The following OTOGL variants were observed in gnomAD, a reference collection of about 807,000 sequenced individuals.
OTOGL encodes the protein otogelin like.
OTOGL carries 285 observed loss-of-function variants against 318.5 expected under a neutral mutation model. The ratio of observed to expected loss-of-function variants is 0.89; its 90% confidence interval spans 0.81 to 0.99. The LOEUF is 0.99. Ranked by LOEUF, OTOGL falls within the 50% of genes least tolerant of loss-of-function variation. The pLI, the probability that OTOGL is intolerant of heterozygous loss-of-function variation, is 0.00. For synonymous variants in OTOGL, 987 were observed against 936.5 expected (o/e 1.05, Z -0.99); for missense variants, 2,899 against 2,845.6 (o/e 1.02, Z -0.43).
intron 12 of OTOGL, 116 bp downstream of exon 12, chr12:80,251,915 ATATCCATG>A: frequency 8.4e-7 from 1 of 1,186,096 alleles, no homozygotes; most frequent in Non-Finnish European, 1.1e-6. Flanking sequence ...TGTTATTGAG[ATATCCATG>A]AACTTGCATA....
intron 44 of OTOGL, among the ~76,000 whole-genome samples, chr12:80,350,155 A>T (rs1359956532): frequency 6.6e-6 from 1 of 152,144 alleles, no homozygotes; most frequent in African/African-American, 2.4e-5. Flanking sequence ...ATCATGTAGT[A>T]TTTGTTTTCC....
At chr12:80,331,778 C>T (rs1477554382) in intron 37 of OTOGL, among the ~76,000 whole-genome samples, 2 of 152,178 alleles carry the variant, frequency 1.3e-5, no homozygotes, top group Non-Finnish European at 2.9e-5. Context: ...AAGATGATGA[C>T]TGGCTTATGC....
intron 1 of OTOGL, among the ~76,000 whole-genome samples, chr12:80,108,068 A>T (rs1869562843): frequency 6.6e-6 from 1 of 152,150 alleles, no homozygotes; most frequent in African/African-American, 2.4e-5. Flanking sequence ...CCTATTTAAC[A>T]AACCTGCACA....
chr12:80,290,039 G>A (rs1324647398), intron 26 of OTOGL, among the ~76,000 whole-genome samples: 1 of 152,162 alleles, frequency 6.6e-6, no homozygotes, highest in Non-Finnish European at 1.5e-5. Context: ...AGGCACACAA[G>A]GGAATCTCCT....
intron 39 of OTOGL, 28 bp downstream of exon 39, chr12:80,336,168 C>CTT (rs200450365): frequency 2.3e-4 from 314 of 1,351,898 alleles, no homozygotes; most frequent in South Asian, 8.8e-4. Context: ...AAGCGGTGAT[C>CTT]TTTTTTTTTT....
At chr12:80,304,417 A>T (rs920286885) in intron 28 of OTOGL, among the ~76,000 whole-genome samples, 8 of 152,152 alleles carry the variant, frequency 5.3e-5, no homozygotes, top group African/African-American at 1.9e-4. Flanking sequence ...GTATTTTTTT[A>T]AAATTTAGTT....
chr12:80,326,671 A>G (rs909017082), intron 35 of OTOGL, among the ~76,000 whole-genome samples: 10 of 152,172 alleles, frequency 6.6e-5, no homozygotes, highest in African/African-American at 2.2e-4. Context: ...AGAATGTCAT[A>G]TGCTAGTTAA....
At chr12:80,159,705 C>A (rs1245781496) in intron 1 of OTOGL, among the ~76,000 whole-genome samples, 1 of 152,052 alleles carries the variant, frequency 6.6e-6, no homozygotes, top group African/African-American at 2.4e-5. Context: ...AATGCAATTT[C>A]CATCAAATTG....
intron 7 of OTOGL, among the ~76,000 whole-genome samples, chr12:80,225,422 T>C (rs1358196195): frequency 4.6e-5 from 7 of 152,128 alleles, no homozygotes; most frequent in Admixed American, 1.3e-4. Flanking sequence ...TGGCCTTGTT[T>C]TGAGTAGTAA....
At chr12:80,287,225 C>G (rs970393630) in intron 26 of OTOGL, among the ~76,000 whole-genome samples, 2 of 151,634 alleles carry the variant, frequency 1.3e-5, no homozygotes, top group African/African-American at 4.9e-5. Context: ...GTTTCTTAAT[C>G]CTGAGTTCTA....
intron 33 of OTOGL, among the ~76,000 whole-genome samples, 170 bp downstream of exon 33, chr12:80,318,883 T>G (rs751921350): frequency 1.3e-5 from 2 of 152,216 alleles, no homozygotes; most frequent in South Asian, 2.1e-4. Flanking sequence ...CTCTTTTGTA[T>G]ACAAAATCAT....
chr12:80,275,322 G>A (rs1883719464), intron 24 of OTOGL, among the ~76,000 whole-genome samples: 1 of 151,962 alleles, frequency 6.6e-6, no homozygotes, highest in Non-Finnish European at 1.5e-5. Context: ...TAAGATGTCA[G>A]TGGAGGAAGT....
At chr12:80,278,981 G>A in intron 25 of OTOGL, 47 bp from the exon 26 acceptor site, 1 of 1,571,254 alleles carries the variant, frequency 6.4e-7, no homozygotes, top group Non-Finnish European at 8.6e-7. Flanking sequence ...GAAATCACTA[G>A]TTAGAGTCGT....
At chr12:80,373,706 A>T (rs1367481830) in intron 57 of OTOGL, among the ~76,000 whole-genome samples, 2 of 151,438 alleles carry the variant, frequency 1.3e-5, no homozygotes. Context: ...ATAATTTATT[A>T]CCACCAAAAT....
At chr12:80,295,335 C>A (rs779961579) in intron 26 of OTOGL, among the ~76,000 whole-genome samples, 1 of 151,948 alleles carries the variant, frequency 6.6e-6, no homozygotes, top group African/African-American at 2.4e-5. Context: ...TGCCACCATG[C>A]CTGGCTAATT....
rs561912943 is a variant in OTOGL at position 80,375,593 on chromosome 12, G to A, written c.6782-1530G>A. Among the ~76,000 whole-genome samples the A allele has an allele frequency of 3.5e-4, 54 of 152,264 alleles. No individual in the cohort carries two copies. In the South Asian group the frequency reaches 7.9e-3, roughly 22 times the overall value. ...TTAGAAAATGCCTTGGTGATGAGGCGTCATTTGAGTAGAGACTGAGTGTCC... is the reference window on the plus strand; with the variant it reads ...TTAGAAAATGCCTTGGTGATGAGGCATCATTTGAGTAGAGACTGAGTGTCC... On this transcript the variant is annotated intron_variant, in intron 57 of 58. Coordinates refer to ENST00000547103, the MANE Select transcript of OTOGL (RefSeq NM_001378609.3).
Position 80,380,095 on chromosome 12 carries a change from T to C in OTOGL, c.*2047T>C, listed in dbSNP as rs1891377827. The C allele has an allele frequency of 6.6e-6, 1 of 151,922 alleles. No homozygotes were observed. Among genetic ancestry groups the C allele is most frequent in the Non-Finnish European group, 1.5e-5 (1 of 67,908 alleles). The allele number at this position is 151,922 out of a possible 1,614,324, so 9.4% of individuals were successfully genotyped here. A position where few individuals can be genotyped will look rare whatever the true frequency, so the allele number is the denominator to read the frequency against. On this transcript the variant is annotated 3_prime_UTR_variant, in exon 59 of 59. Transcript: ENST00000547103. ...GAATGGTTACGTAGATAAAGAAAAA[T>C]TTGAATTCATACATCCATTGACATT...
At chr12:80,311,558 G>A (rs530622882) in intron 30 of OTOGL, among the ~76,000 whole-genome samples, 1 of 140,508 alleles carries the variant, frequency 7.1e-6, no homozygotes, top group African/African-American at 3.3e-5. Flanking sequence ...GAGTAGCTGG[G>A]ATTGTAGACG....
At chr12:80,138,640 C>A (rs1240394624) in intron 1 of OTOGL, among the ~76,000 whole-genome samples, 1 of 151,994 alleles carries the variant, frequency 6.6e-6, no homozygotes, top group Non-Finnish European at 1.5e-5. Context: ...ACACTGAAAG[C>A]CAATAGCTAC....
Sources: gnomAD v4.1 joint callset for allele counts (sites outside exome capture counted in the v4.1 genomes callset) on GRCh38, gnomAD v4.1.1 for gene constraint, MANE v1.5 for transcripts, NCBI Gene and HGNC (gene_info 2026-07-23, HGNC 2026-07-21) for gene names.